The following ABI3BP variants were observed in gnomAD, a reference collection of about 807,000 sequenced individuals.
ABI3BP encodes ABI family member 3 binding protein, also known as target of Nesh-SH3.
In ABI3BP, 216 loss-of-function variants were observed where a neutral mutation model predicts 268.6. That is an observed-to-expected ratio of 0.80 (90% CI 0.72 to 0.90). The LOEUF (loss-of-function observed/expected upper bound fraction) is 0.90. ABI3BP is among the 40% of genes least tolerant of loss of function. ABI3BP has a pLI of 0.00. For synonymous variants in ABI3BP, 730 were observed against 730.0 expected, an observed-to-expected ratio of 1.00 and a Z score of 0.00; for missense variants, 2,090 against 2,182.4, an observed-to-expected ratio of 0.96 and a Z score of 0.84.
At chr3:100,751,260 A>G (rs1249032642) in intron 67 of ABI3BP, among the ~76,000 whole-genome samples, 3 of 152,180 alleles carry the variant, frequency 2.0e-5, no homozygotes, top group African/African-American at 7.2e-5. Flanking sequence ...CAGTATGACA[A>G]AACCCATAAC....
At chr3:100,912,941 C>A (rs1420417715) in intron 2 of ABI3BP, among the ~76,000 whole-genome samples, 1 of 152,120 alleles carries the variant, frequency 6.6e-6, no homozygotes, top group Non-Finnish European at 1.5e-5. Flanking sequence ...GTAGATGGGT[C>A]CCCTGTGGCC....
intron 1 of ABI3BP, among the ~76,000 whole-genome samples, chr3:100,954,179 T>C (rs1157687227): frequency 6.6e-6 from 1 of 152,238 alleles, no homozygotes. Flanking sequence ...TTTAATTATT[T>C]AGAAATAATT....
chr3:100,856,790 TAA>T (rs2098944855), intron 14 of ABI3BP, among the ~76,000 whole-genome samples: 1 of 152,186 alleles, frequency 6.6e-6, no homozygotes, highest in African/African-American at 2.4e-5. Context: ...CAACCCATAT[TAA>T]GTCTTTAGAA....
Position 100,810,493 on chromosome 3 carries a change from G to C in ABI3BP, c.3542-16C>G. 6.5e-7 allele frequency: 1 copy of C among 1,527,348 alleles called. No individual in the cohort carries two copies. The highest frequency in any genetic ancestry group is 2.4e-5 in the East Asian group (1 of 40,840). 94.6% of individuals were successfully genotyped at this position (1,527,348 alleles called of 1,614,324 possible). ...GGCGACGTTTCTATGGTAATTGAAG[G>C]AAAGTACGCGGGTTACTATAGCACT... On this transcript the variant is annotated splice_polypyrimidine_tract_variant and intron_variant, in intron 48 of 67. Coordinates refer to ENST00000471714, the MANE Select transcript of ABI3BP (RefSeq NM_001375547.2).
In ABI3BP at chr3:100,811,261, T is replaced by C. The variant is rs775273960; in HGVS notation, c.3510A>G (p.Thr1170=). The C allele has an allele frequency of 7.2e-6, 11 of 1,534,538 alleles. No homozygotes were observed. Among genetic ancestry groups the C allele is most frequent in the South Asian group, 6.0e-5 (5 of 83,896 alleles). The change falls in exon 48 of 68, where the codon ACA becomes ACG. Residue 1170 remains threonine, a synonymous_variant. Transcript: ENST00000471714. ...EPKTEVVESI[T]YVSEPPETTL... The stretch of plus-strand genomic sequence containing the variant: ...TGGTCTCAGGTGGTTCAGATACATA[T>C]GTAATAGATTCCACAACTGTACCAA...
intron 29 of ABI3BP, among the ~76,000 whole-genome samples, chr3:100,834,029 G>C (rs2098537189): frequency 6.6e-6 from 1 of 152,086 alleles, no homozygotes; most frequent in South Asian, 2.1e-4. Flanking sequence ...ACAGTGCAAG[G>C]GTGCAATTGT....
rs139839958 is a variant in ABI3BP, at chr3:100,931,733, T to A, written c.80-5252A>T. 2.5e-3 allele frequency among the ~76,000 whole-genome samples: 376 copies of A among 152,174 alleles called. 1 individual carries two copies. The highest frequency in any genetic ancestry group is 8.4e-3 in the African/African-American group (351 of 41,544). Reference sequence around the variant, plus strand: ...GATACAAAAAATGGAAAACATCTCATGCTCATGAATAGGAAGAATCAATAT... The same window carrying A: ...GATACAAAAAATGGAAAACATCTCAAGCTCATGAATAGGAAGAATCAATAT... On this transcript the variant is annotated intron_variant, in intron 1 of 67. Transcript: ENST00000471714.
chr3:100,878,144 T>C (rs2099182896), intron 6 of ABI3BP, among the ~76,000 whole-genome samples: 3 of 152,170 alleles, frequency 2.0e-5, no homozygotes, highest in Admixed American at 2.0e-4. Flanking sequence ...ATAAATTTAT[T>C]ATCCAAAAAT....
At chr3:100,884,623 T>G (rs2041014535) in intron 6 of ABI3BP, among the ~76,000 whole-genome samples, 1 of 152,006 alleles carries the variant, frequency 6.6e-6, no homozygotes, top group Non-Finnish European at 1.5e-5. Flanking sequence ...ACTCCTTAAT[T>G]AGACATAAAA....
intron 20 of ABI3BP, among the ~76,000 whole-genome samples, chr3:100,842,830 A>G (rs115733730): frequency 0.018 from 2,783 of 152,322 alleles, 40 homozygotes; most frequent in Non-Finnish European, 0.028. Context: ...TTGTTTAAGG[A>G]GAAAATTAAA....
chr3:100,833,501 T>C (rs138462611), intron 29 of ABI3BP, among the ~76,000 whole-genome samples: 3 of 152,294 alleles, frequency 2.0e-5, no homozygotes, highest in Non-Finnish European at 4.4e-5. Flanking sequence ...CACTATAAAC[T>C]GGAAAACAAA....
chr3:100,813,872 T>C, intron 44 of ABI3BP, 137 bp from the exon 45 acceptor site: 1 of 653,644 alleles, frequency 1.5e-6, no homozygotes. Context: ...GAATGTGCCC[T>C]ATTTAAAGCA....
In ABI3BP at chr3:100,866,859, C is replaced by CA. The variant is rs2099055606; in HGVS notation, c.988+19dup. Reference sequence around the variant, plus strand: ...GCATTTTTTCTTTTCTCAAGGTCAACAACATAGCGATCTCATTACCTGTTG... The same window carrying CA: ...GCATTTTTTCTTTTCTCAAGGTCAACAAACATAGCGATCTCATTACCTGTTG... On this transcript the variant is annotated intron_variant, in intron 10 of 67. Transcript: ENST00000471714. 1 of 1,608,330 alleles carries CA rather than the reference C, an allele frequency of 6.2e-7. No individual in the cohort carries two copies. Among genetic ancestry groups the CA allele is most frequent in the Non-Finnish European group, 8.5e-7 (1 of 1,176,106 alleles).
At chr3:100,900,608 A>G (rs1345794121) in intron 3 of ABI3BP, among the ~76,000 whole-genome samples, 4 of 152,224 alleles carry the variant, frequency 2.6e-5, no homozygotes, top group Admixed American at 2.6e-4. Flanking sequence ...TGGTCTCCCA[A>G]TTATTTGTAT....
At chr3:100,916,520 T>C (rs1294402655) in intron 2 of ABI3BP, among the ~76,000 whole-genome samples, 46 of 152,194 alleles carry the variant, frequency 3.0e-4, no homozygotes, top group Admixed American at 3.0e-3. Flanking sequence ...TTTCTTAACC[T>C]CTTGGGGACT....
At chr3:100,930,606 G>C (rs1280370670) in intron 1 of ABI3BP, 1 of 151,974 alleles carries the variant, frequency 6.6e-6, no homozygotes, top group Non-Finnish European at 1.5e-5. Context: ...AGAAGAAATG[G>C]ATAAATTACT....
chr3:100,895,552 T>TA lies in ABI3BP; in HGVS notation c.461+3209_461+3210insT, dbSNP rs1412578686. ...ACACAAACCAATGTAAATCATTTTT[T>TA]TAAAAAATCAGAGACTGTACAGAGG... On this transcript the variant is annotated intron_variant, in intron 4 of 67. Coordinates refer to ENST00000471714, the MANE Select transcript of ABI3BP (RefSeq NM_001375547.2). 3.3e-5 allele frequency among the ~76,000 whole-genome samples: 5 copies of TA among 152,328 alleles called. No homozygotes were observed. In the South Asian group the frequency reaches 8.3e-4, roughly 25 times the overall value.
intron 28 of ABI3BP, among the ~76,000 whole-genome samples, chr3:100,834,975 T>C (rs1050661684): frequency 7.9e-5 from 12 of 152,274 alleles, no homozygotes; most frequent in Non-Finnish European, 1.3e-4. Context: ...GGAATATATG[T>C]AATTTAAAAA....
At position 100,886,260 on chromosome 3, in the gene ABI3BP, T is replaced by G. The variant is rs1308902715; in HGVS notation, c.525A>C (p.Pro175=). The G allele has an allele frequency of 6.2e-7, 1 of 1,610,324 alleles. No individual in the cohort carries two copies. The highest frequency in any genetic ancestry group is 1.7e-5 in the Admixed American group (1 of 59,492). The change falls in exon 5 of 68, where the codon CCA becomes CCC. Residue 175 remains proline, a synonymous_variant. Transcript: ENST00000471714. Reference sequence around the variant, plus strand: ...GGTTTTCCACAATTGTTTCAGTGGCTGGACAGATTTGAAAAATCCACTTCT... The same window carrying G: ...GGTTTTCCACAATTGTTTCAGTGGCGGGACAGATTTGAAAAATCCACTTCT... ...KEKKWIFQIC[P]ATETIVENLK...
Sources: gnomAD v4.1 joint callset for allele counts (sites outside exome capture counted in the v4.1 genomes callset) on GRCh38, gnomAD v4.1.1 for gene constraint, MANE v1.5 for transcripts, NCBI Gene and HGNC (gene_info 2026-07-23, HGNC 2026-07-21) for gene names.